The following RASGEF1C variants were observed in gnomAD, a reference collection of about 807,000 sequenced individuals.
RASGEF1C encodes the protein RasGEF domain family member 1C, also known as ras-GEF domain-containing family member 1C.
In RASGEF1C, 27 loss-of-function variants were observed where a neutral mutation model predicts 58.1. That is an observed-to-expected ratio of 0.46 (90% CI 0.34 to 0.64). The LOEUF is 0.64. RASGEF1C is among the 30% of genes least tolerant of loss of function. RASGEF1C has a pLI of 0.01. For synonymous variants in RASGEF1C, 243 were observed against 246.3 expected (o/e 0.99, Z 0.13); for missense variants, 502 against 605.1 (o/e 0.83, Z 1.79).
intron 7 of RASGEF1C, among the ~76,000 whole-genome samples, chr5:180,120,045 C>T (rs751072005): frequency 2.9e-4 from 44 of 152,124 alleles, no homozygotes; most frequent in Non-Finnish European, 5.0e-4. Flanking sequence ...GGCCCTCTCG[C>T]CTGCAGCCAG....
chr5:180,207,668 C>A (rs965363554), intron 1 of RASGEF1C, among the ~76,000 whole-genome samples: 2 of 151,778 alleles, frequency 1.3e-5, no homozygotes, highest in East Asian at 2.0e-4. Flanking sequence ...TGCGCCCACC[C>A]GCCGCCACGG....
chr5:180,153,364 G>A (rs1315976230), intron 1 of RASGEF1C, among the ~76,000 whole-genome samples: 1 of 152,216 alleles, frequency 6.6e-6, no homozygotes, highest in Non-Finnish European at 1.5e-5. Context: ...ATGGGATTTG[G>A]GGGTGGGGGA....
intron 1 of RASGEF1C, among the ~76,000 whole-genome samples, chr5:180,196,143 T>G (rs1756272547): frequency 6.6e-6 from 1 of 152,216 alleles, no homozygotes; most frequent in Admixed American, 6.5e-5. Flanking sequence ...GGATGCTTCC[T>G]GGGCCTGGTA....
chr5:180,157,977 A>G (rs1766877780), intron 1 of RASGEF1C, among the ~76,000 whole-genome samples: 1 of 152,238 alleles, frequency 6.6e-6, no homozygotes, highest in African/African-American at 2.4e-5. Context: ...ATGATGTAGC[A>G]ATGTAGGTGT....
At chr5:180,134,899 T>C (rs1440849871) in intron 4 of RASGEF1C, among the ~76,000 whole-genome samples, 2 of 1,430 alleles carry the variant, frequency 1.4e-3, no homozygotes, top group African/African-American at 5.7e-3. Flanking sequence ...CTTCTTTCCA[T>C]TAATCTTTCC....
chr5:180,122,086 A>G (rs1173413505), intron 6 of RASGEF1C, among the ~76,000 whole-genome samples: 36 of 138,714 alleles, frequency 2.6e-4, no homozygotes, highest in Non-Finnish European at 1.7e-5. Flanking sequence ...ATAGTAATCA[A>G]TAATTTATAT....
At chr5:180,182,171 C>G (rs1340925324) in intron 1 of RASGEF1C, among the ~76,000 whole-genome samples, 1 of 124,306 alleles carries the variant, frequency 8.0e-6, no homozygotes, top group Non-Finnish European at 1.6e-5. Flanking sequence ...CGCCACTGAA[C>G]TCCAGCCTGG....
Position 180,209,182 on chromosome 5 carries a change from G to T in RASGEF1C, c.-161C>A. 1 of 146,530 alleles carries T rather than the reference G, an allele frequency of 6.8e-6. No individual in the cohort carries two copies. The highest frequency in any genetic ancestry group is 2.0e-4 in the South Asian group (1 of 5,052). The allele number at this position is 146,530 out of a possible 1,614,324, so 9.1% of individuals were successfully genotyped here. A position where few individuals can be genotyped will look rare whatever the true frequency, so the allele number is the denominator to read the frequency against. On this transcript the variant is annotated 5_prime_UTR_variant, in exon 1 of 14. Transcript: ENST00000361132. ...GCCCGGCTCCCAGCGCAGCCCGCAC[G>T]AGCGCCTGGCGGCGGCCCCGGAGCA... is the stretch of plus-strand genomic sequence containing the variant.
intron 1 of RASGEF1C, among the ~76,000 whole-genome samples, chr5:180,145,367 C>G (rs1039898963): frequency 6.6e-6 from 1 of 152,146 alleles, no homozygotes; most frequent in Non-Finnish European, 1.5e-5. Context: ...GTGATCTGCC[C>G]GCCTCAGCCT....
At chr5:180,154,614 T>C (rs1766823245) in intron 1 of RASGEF1C, among the ~76,000 whole-genome samples, 3 of 150,016 alleles carry the variant, frequency 2.0e-5, no homozygotes, top group Admixed American at 1.3e-4. Context: ...GGAGTCTCGC[T>C]CTGTCGCCCA....
intron 1 of RASGEF1C, among the ~76,000 whole-genome samples, chr5:180,196,134 G>A (rs557662499): frequency 6.6e-6 from 1 of 152,022 alleles, no homozygotes; most frequent in Non-Finnish European, 1.5e-5. Context: ...ACTCACTAGG[G>A]ATGCTTCCTG....
intron 3 of RASGEF1C, chr5:180,136,738 C>T (rs557503940): frequency 5.9e-5 from 33 of 559,292 alleles, no homozygotes; most frequent in Admixed American, 3.2e-4. Context: ...GGCCTTTCTG[C>T]GGTTGACGGC....
At chr5:180,128,654 C>T (rs6895192) in intron 4 of RASGEF1C, 44 bp from the exon 5 acceptor site, 686,842 of 1,578,738 alleles carry the variant, frequency 0.44, 151,369 homozygotes, top group Middle Eastern at 0.48. Context: ...ACACTCATCT[C>T]TGCATCTCTA....
chr5:180,125,690 G>A (rs1245779156), intron 6 of RASGEF1C, among the ~76,000 whole-genome samples: 4 of 151,992 alleles, frequency 2.6e-5, no homozygotes, highest in Non-Finnish European at 5.9e-5. Context: ...GCTGAGGCAG[G>A]AGAATCGCTT....
chr5:180,160,587 T>C (rs1561746951), intron 1 of RASGEF1C, among the ~76,000 whole-genome samples: 1 of 152,162 alleles, frequency 6.6e-6, no homozygotes, highest in African/African-American at 2.4e-5. Context: ...GCTTTGCCTC[T>C]GGGAAGGAAA....
chr5:180,114,692 G>A (rs752511737), intron 10 of RASGEF1C, 151 bp from the exon 11 acceptor site: 27 of 622,816 alleles, frequency 4.3e-5, no homozygotes, highest in Admixed American at 1.1e-4. Flanking sequence ...TGGGCTAGCC[G>A]GGGCCTTGGG....
At chr5:180,165,280 T>C (rs1318912698) in intron 1 of RASGEF1C, among the ~76,000 whole-genome samples, 1 of 152,232 alleles carries the variant, frequency 6.6e-6, no homozygotes. Context: ...TATTGATATG[T>C]TTGAATGAAG....
chr5:180,175,658 G>A (rs776509332), intron 1 of RASGEF1C, among the ~76,000 whole-genome samples: 5 of 152,172 alleles, frequency 3.3e-5, no homozygotes, highest in African/African-American at 4.8e-5. Flanking sequence ...ACTTCTCCCC[G>A]CCAAGAATAT....
chr5:180,195,706 G>C (rs1756260612), intron 1 of RASGEF1C, among the ~76,000 whole-genome samples: 1 of 150,372 alleles, frequency 6.7e-6, no homozygotes, highest in Non-Finnish European at 1.5e-5. Flanking sequence ...AGCTTGCAGT[G>C]AGCCGAGATC....
Sources: allele counts gnomAD v4.1 joint callset (sites outside exome capture counted in the v4.1 genomes callset), GRCh38; gene constraint gnomAD v4.1.1; transcripts MANE v1.5; gene names NCBI Gene and HGNC (gene_info 2026-07-23, HGNC 2026-07-21).